Variants in SDC2 observed in about 807,000 individuals in gnomAD.
SDC2 encodes the protein syndecan-2.
Under a neutral mutation model 22.2 loss-of-function variants are expected in SDC2, and 13 were observed. The ratio of observed to expected loss-of-function variants is 0.59; its 90% CI spans 0.38 to 0.93. The LOEUF is 0.93. Among genes scored for constraint, SDC2 ranks in the 40% least tolerant of loss-of-function variants. The pLI, the probability that SDC2 is intolerant of heterozygous loss-of-function variation, is 0.00. For missense variants in SDC2, 235 were observed against 246.8 expected (o/e 0.95, Z 0.32); for synonymous variants, 94 against 92.8 (o/e 1.01, Z -0.07).
intron 1 of SDC2, among the ~76,000 whole-genome samples, chr8:96,521,042 A>C (rs1024259593): frequency 6.6e-6 from 1 of 152,206 alleles, no homozygotes; most frequent in African/African-American, 2.4e-5. Context: ...GCAGAGGCTC[A>C]GAGAAGTTAG....
At chr8:96,504,249 T>C (rs1422419456) in intron 1 of SDC2, among the ~76,000 whole-genome samples, 1 of 152,236 alleles carries the variant, frequency 6.6e-6, no homozygotes, top group Non-Finnish European at 1.5e-5. Flanking sequence ...AGGCCTCTGT[T>C]TACAAAGTTG....
intron 1 of SDC2, among the ~76,000 whole-genome samples, chr8:96,573,921 C>T (rs1345824925): frequency 6.6e-6 from 1 of 152,030 alleles, no homozygotes. Flanking sequence ...ACACCCTACC[C>T]TTTATCACAC....
chr8:96,599,991 A>G (rs773394832), intron 2 of SDC2, among the ~76,000 whole-genome samples: 3 of 152,008 alleles, frequency 2.0e-5, no homozygotes, highest in Non-Finnish European at 4.4e-5. Flanking sequence ...AAAAAATAAT[A>G]ATAATTTTTT....
chr8:96,608,877 C>T (rs143004790), intron 4 of SDC2, among the ~76,000 whole-genome samples: 1 of 152,136 alleles, frequency 6.6e-6, no homozygotes, highest in East Asian at 1.9e-4. Flanking sequence ...GTGTTAAGAA[C>T]GTTGTTTCTA....
intron 1 of SDC2, among the ~76,000 whole-genome samples, chr8:96,583,976 G>A (rs1814639440): frequency 6.6e-6 from 1 of 152,154 alleles, no homozygotes; most frequent in East Asian, 1.9e-4. Context: ...TATTTCATTA[G>A]GATAATTCCT....
chr8:96,595,113 G>C (rs1157985308), intron 2 of SDC2, among the ~76,000 whole-genome samples: 1 of 152,184 alleles, frequency 6.6e-6, no homozygotes, highest in Non-Finnish European at 1.5e-5. Flanking sequence ...TTTGTGGTCA[G>C]CAGCATGGTA....
chr8:96,541,551 A>G (rs1319566766), intron 1 of SDC2, among the ~76,000 whole-genome samples: 1 of 151,646 alleles, frequency 6.6e-6, no homozygotes, highest in African/African-American at 2.4e-5. Context: ...AACACGGATG[A>G]ACTTTGAGGA....
intron 1 of SDC2, among the ~76,000 whole-genome samples, chr8:96,533,479 C>T (rs1359919766): frequency 6.6e-6 from 1 of 152,060 alleles, no homozygotes; most frequent in Non-Finnish European, 1.5e-5. Flanking sequence ...CATTTGCAAA[C>T]CTTGAGCTAG....
chr8:96,546,131 C>G (rs1374490026), intron 1 of SDC2, among the ~76,000 whole-genome samples: 1 of 152,178 alleles, frequency 6.6e-6, no homozygotes, highest in African/African-American at 2.4e-5. Context: ...GAAAGGTAGC[C>G]TCCTTAATCC....
chr8:96,561,872 A>T (rs1345302810), intron 1 of SDC2, among the ~76,000 whole-genome samples: 1 of 152,198 alleles, frequency 6.6e-6, no homozygotes, highest in Non-Finnish European at 1.5e-5. Flanking sequence ...CCTTTGGATA[A>T]CAGTCCTTTG....
intron 1 of SDC2, among the ~76,000 whole-genome samples, chr8:96,522,414 A>G (rs931643700): frequency 4.6e-5 from 7 of 152,084 alleles, no homozygotes; most frequent in Admixed American, 4.6e-4. Context: ...TTAGAACAGA[A>G]GGGAACGCCG....
intron 2 of SDC2, 110 bp from the exon 3 acceptor site, chr8:96,602,285 T>C (rs1815001364): frequency 8.7e-7 from 1 of 1,147,410 alleles, no homozygotes; most frequent in Non-Finnish European, 1.3e-6. Flanking sequence ...AGAGCCAGCA[T>C]TTTGAAAGAA....
At chr8:96,607,269 C>G (rs2130663027) in intron 3 of SDC2, among the ~76,000 whole-genome samples, 1 of 152,226 alleles carries the variant, frequency 6.6e-6, no homozygotes, top group Middle Eastern at 3.4e-3. Flanking sequence ...GGACTGGAAG[C>G]TACCCAACAC....
At chr8:96,591,160 G>A (rs1814774976) in intron 1 of SDC2, among the ~76,000 whole-genome samples, 1 of 152,182 alleles carries the variant, frequency 6.6e-6, no homozygotes, top group Non-Finnish European at 1.5e-5. Flanking sequence ...TTTACACATA[G>A]GGATTAAGTA....
chr8:96,529,484 G>T (rs947248534), intron 1 of SDC2, among the ~76,000 whole-genome samples: 3 of 152,298 alleles, frequency 2.0e-5, no homozygotes, highest in Non-Finnish European at 4.4e-5. Flanking sequence ...CCATGAGTAC[G>T]AGTGACGGCT....
chr8:96,544,432 A>G (rs1486053484), intron 1 of SDC2, among the ~76,000 whole-genome samples: 1 of 151,940 alleles, frequency 6.6e-6, no homozygotes, highest in Non-Finnish European at 1.5e-5. Flanking sequence ...TCTAACCTCC[A>G]CTTAAAAGAC....
At chr8:96,516,043 C>T (rs536341138) in intron 1 of SDC2, among the ~76,000 whole-genome samples, 30 of 152,226 alleles carry the variant, frequency 2.0e-4, no homozygotes, top group South Asian at 1.9e-3. Flanking sequence ...TGCCGGTGTT[C>T]GAATCACCTT....
rs1338093698 is a variant in SDC2 at position 96,608,427 on chromosome 8, G to C, written c.399G>C (p.Glu133Asp). The change falls in exon 4 of 5, where the codon GAG becomes GAC. Residue 133 changes from glutamate (E) to aspartate (D), a missense_variant. Glu to Asp is a conservative substitution (Grantham distance 45, BLOSUM62 2). Coordinates refer to ENST00000302190, the MANE Select transcript of SDC2 (RefSeq NM_002998.4). Reference protein sequence around the residue: ...PAEEDTNVYTEKHSDSLFKRT... With the variant: ...PAEEDTNVYTDKHSDSLFKRT... ...AAGAGGATACAAATGTGTATACTGA[G>C]AAACACTCAGACAGTCTGTTTAAAC... 6.2e-7 allele frequency: 1 copy of C among 1,613,814 alleles called. No homozygotes were observed. Among genetic ancestry groups the C allele is most frequent in the Non-Finnish European group, 8.5e-7 (1 of 1,179,820 alleles).
At chr8:96,511,613 G>A (rs114147905) in intron 1 of SDC2, among the ~76,000 whole-genome samples, 1,689 of 152,206 alleles carry the variant, frequency 0.011, 35 homozygotes, top group African/African-American at 0.038. Context: ...TGGGGGCAAG[G>A]CAAGGCTCCG....
Sources: allele counts gnomAD v4.1 joint callset (sites outside exome capture counted in the v4.1 genomes callset), GRCh38; gene constraint gnomAD v4.1.1; transcripts MANE v1.5; gene names NCBI Gene and HGNC (gene_info 2026-07-23, HGNC 2026-07-21).